The following GDF15 variants were observed in gnomAD, a reference collection of about 807,000 sequenced individuals.
The protein encoded by GDF15 is growth differentiation factor 15, also known as growth/differentiation factor 15.
A neutral mutation model predicts 8.9 loss-of-function variants in GDF15; 10 were observed. The observed-to-expected ratio is 1.12, with a 90% CI of 0.69 to 1.90. The LOEUF is 1.90. GDF15 is among the 40% of genes most tolerant of loss of function. The probability of loss-of-function intolerance (pLI) is 0.00; values close to 1 mark genes in which losing one functional copy is unlikely to be tolerated. For synonymous variants in GDF15, 228 were observed against 210.6 expected (o/e 1.08, Z -0.72); for missense variants, 452 against 434.2 (o/e 1.04, Z -0.36).
chr19:18,388,763 A>G lies in GDF15; in HGVS notation c.755A>G (p.Asn252Ser). The G allele has an allele frequency of 6.2e-7, 1 of 1,609,968 alleles. No individual in the cohort carries two copies. Among genetic ancestry groups the G allele is most frequent in the South Asian group, 1.1e-5 (1 of 91,026 alleles). The change falls in exon 2 of 2, where the codon AAC becomes AGC. Residue 252 changes from asparagine to serine, a missense_variant. Transcript: ENST00000252809. This position sits in a 1 kb window ranked among gnomAD's most constrained non-coding sequence, Gnocchi z 4.2. ...GACPSQFRAA[N>S]MHAQIKTSLH... ...TGCCCGAGCCAGTTCCGGGCGGCAA[A>G]CATGCACGCGCAGATCAAGACGAGC...
At chr19:18,387,916 G>C (rs943385126) in intron 1 of GDF15, among the ~76,000 whole-genome samples, 1 of 141,970 alleles carries the variant, frequency 7.0e-6, no homozygotes, top group East Asian at 2.1e-4. Context: ...CCACCGCCCC[G>C]ATTCAAGCCA....
chr19:18,388,990 C>G lies in GDF15; in HGVS notation c.*55C>G. On this transcript the variant is annotated 3_prime_UTR_variant, in exon 2 of 2. Transcript: ENST00000252809. This position sits in a 1 kb window ranked among gnomAD's most constrained non-coding sequence, Gnocchi z 4.2. ...CGCGGAGGACGCGACCTCAGTTGTC[C>G]TGCCCTGTGGAATGGGCTCAAGGTT... 7.6e-7 allele frequency: 1 copy of G among 1,318,828 alleles called. No individual in the cohort carries two copies. Among genetic ancestry groups the G allele is most frequent in the South Asian group, 1.3e-5 (1 of 74,900 alleles). The allele number at this position is 1,318,828 out of a possible 1,614,324, so 81.7% of individuals were successfully genotyped here.
Position 18,386,204 on chromosome 19 carries a change from ACT to A in GDF15, c.17_18del (p.Leu6GlnfsTer292), listed in dbSNP as rs749733219. ...CCTGCACAGCCATGCCCGGGCAAGAACTCAGGACGGTGAATGGCTCTCAGATG... is the reference window on the plus strand; with the variant it reads ...CCTGCACAGCCATGCCCGGGCAAGAACAGGACGGTGAATGGCTCTCAGATG... MPGQELRTVNGSQMLL... is the reference protein window; with the variant it reads MPGQEXRTVNGSQMLL... On this transcript the variant is annotated frameshift_variant, in exon 1 of 2. Transcript: ENST00000252809. LOFTEE classifies it high-confidence loss of function. The A allele has an allele frequency of 1.9e-6, 3 of 1,612,050 alleles. No individual in the cohort carries two copies. The highest frequency in any genetic ancestry group is 2.7e-5 in the African/African-American group (2 of 74,966).
Position 18,388,578 on chromosome 19 carries a change from G to T in GDF15, c.570G>T (p.Arg190Ser). ...LELHLRPQAA[R>S]GRRRARARNG... Reference sequence around the variant, plus strand: ...TGCACTTGCGGCCGCAAGCCGCCAGGGGGCGCCGCAGAGCGCGTGCGCGCA... The same window carrying T: ...TGCACTTGCGGCCGCAAGCCGCCAGTGGGCGCCGCAGAGCGCGTGCGCGCA... Residue 190 changes from arginine (R) to serine (S), a missense_variant, in exon 2 of 2, where the codon AGG becomes AGT. Transcript: ENST00000252809. The surrounding 1 kb of genome is among the most constrained non-coding windows in gnomAD (Gnocchi z 4.2). 6.2e-7 allele frequency: 1 copy of T among 1,600,286 alleles called. No homozygotes were observed.
chr19:18,387,610 A>G (rs1295086469), intron 1 of GDF15, among the ~76,000 whole-genome samples: 1 of 152,162 alleles, frequency 6.6e-6, no homozygotes, highest in African/African-American at 2.4e-5. Flanking sequence ...CTGCCTGAAT[A>G]TCAGATATAC....
At position 18,386,395 on chromosome 19, in the gene GDF15, C is replaced by T; in HGVS notation, c.206C>T (p.Ala69Val). Residue 69 changes from alanine to valine, a missense_variant, in exon 1 of 2, where the codon GCC becomes GTC. Physicochemically the swap from Ala to Val is moderately conservative, Grantham distance 64. Transcript: ENST00000252809. ...RYEDLLTRLRANQSWEDSNTD... is the reference protein window; with the variant it reads ...RYEDLLTRLRVNQSWEDSNTD... Reference sequence around the variant, plus strand: ...GAGGACCTGCTAACCAGGCTGCGGGCCAACCAGAGCTGGGAAGATTCGAAC... The same window carrying T: ...GAGGACCTGCTAACCAGGCTGCGGGTCAACCAGAGCTGGGAAGATTCGAAC... 6.2e-7 allele frequency: 1 copy of T among 1,613,930 alleles called. No homozygotes were observed. The highest frequency in any genetic ancestry group is 8.5e-7 in the Non-Finnish European group (1 of 1,179,970).
At position 18,388,436 on chromosome 19, in the gene GDF15, G is replaced by T; in HGVS notation, c.428G>T (p.Arg143Leu). The T allele has an allele frequency of 1.2e-6, 2 of 1,609,978 alleles. No homozygotes were observed. Among genetic ancestry groups the T allele is most frequent in the Non-Finnish European group, 1.7e-6 (2 of 1,179,234 alleles). Residue 143 changes from arginine to leucine, a missense_variant, in exon 2 of 2, where the codon CGT becomes CTT. Physicochemically the swap from Arg to Leu is moderately radical, Grantham distance 102 (BLOSUM62 -2). Transcript: ENST00000252809. This position sits in a 1 kb window ranked among gnomAD's most constrained non-coding sequence, Gnocchi z 4.2. ...RSWDVTRPLR[R>L]QLSLARPQAP... is the part of the protein sequence containing the mutation. ...TGGGACGTGACACGACCGCTGCGGC[G>T]TCAGCTCAGCCTTGCAAGACCCCAG... is the stretch of plus-strand genomic sequence containing the variant.
In GDF15 at chr19:18,386,333, C is replaced by G. The variant is rs765959535; in HGVS notation, c.144C>G (p.Ser48=). The G allele has an allele frequency of 1.2e-6, 2 of 1,613,994 alleles. No homozygotes were observed. The highest frequency in any genetic ancestry group is 1.1e-5 in the South Asian group (1 of 91,088). The change falls in exon 1 of 2, where the codon TCC becomes TCG. Residue 48 remains serine, a synonymous_variant. Transcript: ENST00000252809. ...TCCCGGGACCCTCAGAGTTGCACTC[C>G]GAAGACTCCAGATTCCGAGAGTTGC... ...ASFPGPSELH[S]EDSRFRELRK...
In GDF15 at chr19:18,388,791, G is replaced by A; in HGVS notation, c.783G>A (p.Leu261=). The A allele has an allele frequency of 6.2e-7, 1 of 1,611,550 alleles. No individual in the cohort carries two copies. The highest frequency in any genetic ancestry group is 8.5e-7 in the Non-Finnish European group (1 of 1,179,944). Residue 261 remains leucine (L), a synonymous_variant, in exon 2 of 2, where the codon CTG becomes CTA. Coordinates refer to ENST00000252809, the MANE Select transcript of GDF15 (RefSeq NM_004864.4). This position sits in a 1 kb window ranked among gnomAD's most constrained non-coding sequence, Gnocchi z 4.2. ...ANMHAQIKTS[L]HRLKPDTVPA... ...TGCACGCGCAGATCAAGACGAGCCT[G>A]CACCGCCTGAAGCCCGACACGGTGC...
chr19:18,388,232 C>G lies in GDF15; in HGVS notation c.278-54C>G, dbSNP rs1971852990. 2.2e-5 allele frequency: 34 copies of G among 1,540,636 alleles called. No individual in the cohort carries two copies. In the South Asian group the frequency reaches 3.7e-4, roughly 17 times the overall value. On this transcript the variant is annotated intron_variant, in intron 1 of 1. Coordinates refer to ENST00000252809, the MANE Select transcript of GDF15 (RefSeq NM_004864.4). The surrounding 1 kb of genome is among the most constrained non-coding windows in gnomAD (Gnocchi z 4.2). ...GTTAGGGGAAATGGGCACCCTCGTT[C>G]CTGGAAAACGGTAGGCCTGTGGGTG... is the stretch of plus-strand genomic sequence containing the variant.
chr19:18,388,152 A>C lies in GDF15; in HGVS notation c.278-134A>C. The stretch of plus-strand genomic sequence containing the variant: ...GCCCGCACGGAGAAATGCTCTTGGT[A>C]GGGGAAATAACTTGTGCAAAGGCGC... On this transcript the variant is annotated intron_variant, in intron 1 of 1. Transcript: ENST00000252809. This position sits in a 1 kb window ranked among gnomAD's most constrained non-coding sequence, Gnocchi z 4.2. 1 of 728,226 alleles carries C rather than the reference A, an allele frequency of 1.4e-6. No homozygotes were observed. Among genetic ancestry groups the C allele is most frequent in the Non-Finnish European group, 2.2e-6 (1 of 444,906 alleles). The allele number at this position is 728,226 out of a possible 1,614,324, so 45.1% of individuals were successfully genotyped here.
chr19:18,389,018 T>C lies in GDF15; in HGVS notation c.*83T>C, dbSNP rs559087452. 2 of 883,412 alleles carry C rather than the reference T, an allele frequency of 2.3e-6. No individual in the cohort carries two copies. Among genetic ancestry groups the C allele is most frequent in the East Asian group, 2.5e-5 (1 of 39,316 alleles). 54.7% of individuals were successfully genotyped at this position (883,412 alleles called of 1,614,324 possible). A position where few individuals can be genotyped will look rare whatever the true frequency, so the allele number is the denominator to read the frequency against. On this transcript the variant is annotated 3_prime_UTR_variant, in exon 2 of 2. Transcript: ENST00000252809. Reference sequence around the variant, plus strand: ...CCCTGTGGAATGGGCTCAAGGTTCCTGAGACACCCGATTCCTGCCCAAACA... The same window carrying C: ...CCCTGTGGAATGGGCTCAAGGTTCCCGAGACACCCGATTCCTGCCCAAACA...
At chr19:18,387,116 C>T (rs1971841162) in intron 1 of GDF15, 1 of 153,050 alleles carries the variant, frequency 6.5e-6, no homozygotes, top group African/African-American at 2.4e-5. Flanking sequence ...ACCTCTCACC[C>T]TTGCTAAGCC....
chr19:18,388,834 C>T lies in GDF15; in HGVS notation c.826C>T (p.Pro276Ser). ...CACGGTGCCAGCGCCCTGCTGCGTG[C>T]CCGCCAGCTACAATCCCATGGTGCT... ...PDTVPAPCCV[P>S]ASYNPMVLIQ... is the part of the protein sequence containing the mutation. The change falls in exon 2 of 2, where the codon CCC becomes TCC. Residue 276 changes from proline (P) to serine (S), a missense_variant. Coordinates refer to ENST00000252809, the MANE Select transcript of GDF15 (RefSeq NM_004864.4). This position sits in a 1 kb window ranked among gnomAD's most constrained non-coding sequence, Gnocchi z 4.2. 6.2e-7 allele frequency: 1 copy of T among 1,612,086 alleles called. No individual in the cohort carries two copies. The highest frequency in any genetic ancestry group is 8.5e-7 in the Non-Finnish European group (1 of 1,179,862).
Position 18,386,433 on chromosome 19 carries a change from C to G in GDF15, c.244C>G (p.Pro82Ala), listed in dbSNP as rs752431818. 6.2e-7 allele frequency: 1 copy of G among 1,613,446 alleles called. No homozygotes were observed. The highest frequency in any genetic ancestry group is 8.5e-7 in the Non-Finnish European group (1 of 1,179,950). Reference protein sequence around the residue: ...SWEDSNTDLVPAPAVRILTPE... With the variant: ...SWEDSNTDLVAAPAVRILTPE... ...GGAAGATTCGAACACCGACCTCGTC[C>G]CGGCCCCTGCAGTCCGGATACTCAC... Residue 82 changes from proline to alanine, a missense_variant, in exon 1 of 2, where the codon CCG becomes GCG. Physicochemically the swap from Pro to Ala is conservative, Grantham distance 27. Transcript: ENST00000252809.
rs558864297 is a variant in GDF15, at chr19:18,388,785, G to A, written c.777G>A (p.Thr259=). The A allele has an allele frequency of 2.5e-6, 4 of 1,611,302 alleles. No individual in the cohort carries two copies. The highest frequency in any genetic ancestry group is 3.4e-6 in the Non-Finnish European group (4 of 1,179,948). ...CAAACATGCACGCGCAGATCAAGAC[G>A]AGCCTGCACCGCCTGAAGCCCGACA... is the stretch of plus-strand genomic sequence containing the variant. The part of the protein sequence containing the change: ...RAANMHAQIK[T]SLHRLKPDTV... The change falls in exon 2 of 2, where the codon ACG becomes ACA. Residue 259 remains threonine, a synonymous_variant. Coordinates refer to ENST00000252809, the MANE Select transcript of GDF15 (RefSeq NM_004864.4). The surrounding 1 kb of genome is among the most constrained non-coding windows in gnomAD (Gnocchi z 4.2).
At chr19:18,386,746 A>C in intron 1 of GDF15, 1 of 479,328 alleles carries the variant, frequency 2.1e-6, no homozygotes, top group Non-Finnish European at 3.8e-6. Flanking sequence ...CACCTGGGAA[A>C]CCCGGGGACG....
intron 1 of GDF15, among the ~76,000 whole-genome samples, chr19:18,387,549 G>A (rs565101064): frequency 6.6e-6 from 1 of 152,196 alleles, no homozygotes; most frequent in East Asian, 1.9e-4. Context: ...AGTGAAGCAA[G>A]TAAGTTTTTG....
chr19:18,386,252 C>T lies in GDF15; in HGVS notation c.63C>T (p.Leu21=). 6.2e-7 allele frequency: 1 copy of T among 1,613,768 alleles called. No individual in the cohort carries two copies. Among genetic ancestry groups the T allele is most frequent in the Non-Finnish European group, 8.5e-7 (1 of 1,180,014 alleles). ...AGATGCTCCTGGTGTTGCTGGTGCT[C>T]TCGTGGCTGCCGCATGGGGGCGCCC... is the stretch of plus-strand genomic sequence containing the variant. ...GSQMLLVLLV[L]SWLPHGGALS... is the part of the protein sequence containing the mutation. The change falls in exon 1 of 2, where the codon CTC becomes CTT. Residue 21 remains leucine (L), a synonymous_variant. Coordinates refer to ENST00000252809, the MANE Select transcript of GDF15 (RefSeq NM_004864.4).
Sources: allele counts gnomAD v4.1 joint callset (sites outside exome capture counted in the v4.1 genomes callset), GRCh38; gene constraint gnomAD v4.1.1; non-coding constraint Gnocchi (gnomAD v3.1); transcripts MANE v1.5; gene names NCBI Gene and HGNC (gene_info 2026-07-23, HGNC 2026-07-21).